RIMS2: variants seen among roughly 807,000 people sequenced by gnomAD.
The protein encoded by RIMS2 is regulating synaptic membrane exocytosis 2.
RIMS2 carries 59 observed loss-of-function variants against 174.4 expected under a neutral mutation model. That is an observed-to-expected ratio of 0.34 (90% CI 0.27 to 0.42). The LOEUF (loss-of-function observed/expected upper bound fraction) is 0.42. Among genes scored for constraint, RIMS2 ranks in the 10% least tolerant of loss-of-function variants. RIMS2 has a pLI of 1.00. For missense variants in RIMS2, 1,620 were observed against 1,666.3 expected, an observed-to-expected ratio of 0.97 and a Z score of 0.48; for synonymous variants, 606 against 572.5, an observed-to-expected ratio of 1.06 and a Z score of -0.84.
intron 1 of RIMS2, among the ~76,000 whole-genome samples, chr8:103,603,404 G>A (rs1204334008): frequency 1.3e-3 from 188 of 148,658 alleles, no homozygotes; most frequent in Non-Finnish European, 9.9e-4. Flanking sequence ...TCATTGTTGG[G>A]CATTTGGGTT....
At chr8:104,167,970 G>A (rs2135256776) in intron 19 of RIMS2, among the ~76,000 whole-genome samples, 1 of 152,106 alleles carries the variant, frequency 6.6e-6, no homozygotes, top group South Asian at 2.1e-4. Context: ...AAGATTAGTT[G>A]GCTATAAGTA....
At chr8:103,855,823 A>G (rs1397032976) in intron 3 of RIMS2, among the ~76,000 whole-genome samples, 1 of 152,092 alleles carries the variant, frequency 6.6e-6, no homozygotes. Flanking sequence ...GGAACAGCGT[A>G]TATTTTGTGG....
intron 19 of RIMS2, among the ~76,000 whole-genome samples, chr8:104,161,487 T>C (rs1464431461): frequency 3.3e-5 from 5 of 152,186 alleles, no homozygotes; most frequent in Admixed American, 2.0e-4. Context: ...AATAGGGATC[T>C]GTTGTAGAAT....
chr8:103,540,829 A>G (rs1842214674), intron 1 of RIMS2, among the ~76,000 whole-genome samples: 1 of 152,204 alleles, frequency 6.6e-6, no homozygotes, highest in Non-Finnish European at 1.5e-5. Context: ...CAAGCAAACA[A>G]ACAAAAAAGA....
At chr8:103,578,981 C>A (rs2093432039) in intron 1 of RIMS2, among the ~76,000 whole-genome samples, 1 of 97,568 alleles carries the variant, frequency 1.0e-5, no homozygotes, top group South Asian at 3.1e-4. Flanking sequence ...CAGAGCAAGA[C>A]TCTGTCTCAA....
At chr8:104,104,093 A>G (rs1357334360) in intron 19 of RIMS2, among the ~76,000 whole-genome samples, 1 of 152,242 alleles carries the variant, frequency 6.6e-6, no homozygotes, top group Non-Finnish European at 1.5e-5. Flanking sequence ...ATGAAAATAG[A>G]TAAGTTATTA....
chr8:104,106,548 C>A (rs2098070985), intron 19 of RIMS2, among the ~76,000 whole-genome samples: 1 of 152,068 alleles, frequency 6.6e-6, no homozygotes, highest in Non-Finnish European at 1.5e-5. Flanking sequence ...GGATAAAATG[C>A]ATTTCTATGC....
chr8:104,148,746 G>A, intron 19 of RIMS2: 1 of 1,598,330 alleles, frequency 6.3e-7, no homozygotes, highest in Non-Finnish European at 8.5e-7. Context: ...GGGCACCTTG[G>A]GCACCAGTGG....
At chr8:104,004,423 T>TA (rs574361536) in intron 17 of RIMS2, among the ~76,000 whole-genome samples, 4 of 152,154 alleles carry the variant, frequency 2.6e-5, no homozygotes, top group Admixed American at 2.6e-4. Flanking sequence ...AACATTACAG[T>TA]AAAAATAATG....
intron 14 of RIMS2, among the ~76,000 whole-genome samples, chr8:103,945,399 G>C (rs2083474332): frequency 6.6e-6 from 1 of 151,944 alleles, no homozygotes; most frequent in Non-Finnish European, 1.5e-5. Context: ...CAAATTCCTT[G>C]ATAAGAAAGA....
chr8:104,023,220 A>T (rs771537571), intron 19 of RIMS2, among the ~76,000 whole-genome samples: 1 of 152,086 alleles, frequency 6.6e-6, no homozygotes, highest in African/African-American at 2.4e-5. Flanking sequence ...GAACTTACAG[A>T]TCATATTTAG....
intron 2 of RIMS2, among the ~76,000 whole-genome samples, chr8:103,746,462 A>G (rs2097817188): frequency 6.6e-6 from 1 of 151,980 alleles, no homozygotes; most frequent in Non-Finnish European, 1.5e-5. Context: ...ATTTATTTTT[A>G]AGTTTTAGGT....
At chr8:103,837,944 T>C (rs1032017174) in intron 3 of RIMS2, among the ~76,000 whole-genome samples, 14 of 149,544 alleles carry the variant, frequency 9.4e-5, no homozygotes, top group African/African-American at 2.7e-4. Context: ...CTTTCTCTTT[T>C]TTTTTTTTTT....
chr8:103,911,291 C>T (rs1428231965), intron 5 of RIMS2, among the ~76,000 whole-genome samples: 2 of 152,016 alleles, frequency 1.3e-5, no homozygotes, highest in East Asian at 3.9e-4. Context: ...TTTACAGAGG[C>T]CTTGGTTCAG....
chr8:103,554,787 A>G (rs540725137), intron 1 of RIMS2, among the ~76,000 whole-genome samples: 1 of 152,194 alleles, frequency 6.6e-6, no homozygotes, highest in South Asian at 2.1e-4. Flanking sequence ...ATCAGTCCAG[A>G]TATCTATCAA....
chr8:103,921,243 T>A (rs2077596461), intron 9 of RIMS2, among the ~76,000 whole-genome samples: 1 of 152,210 alleles, frequency 6.6e-6, no homozygotes, highest in African/African-American at 2.4e-5. Context: ...GACATCGTTT[T>A]AAAAATTTAA....
chr8:104,202,872 A>T (rs2099061881), intron 19 of RIMS2, among the ~76,000 whole-genome samples: 1 of 152,182 alleles, frequency 6.6e-6, no homozygotes, highest in Non-Finnish European at 1.5e-5. Context: ...AATCACAATA[A>T]TTTTTCTCCA....
chr8:103,535,313 A>T (rs1839258632), intron 1 of RIMS2, among the ~76,000 whole-genome samples: 1 of 152,176 alleles, frequency 6.6e-6, no homozygotes, highest in Non-Finnish European at 1.5e-5. Flanking sequence ...AATTATTTCT[A>T]CATAGTTTGG....
chr8:103,690,127 AT>A (rs1278579404), intron 1 of RIMS2, among the ~76,000 whole-genome samples: 1 of 151,162 alleles, frequency 6.6e-6, no homozygotes, highest in South Asian at 2.1e-4. Context: ...TGCCCAGCTA[AT>A]TTTTTTTGTA....
Sources: allele counts gnomAD v4.1 joint callset (sites outside exome capture counted in the v4.1 genomes callset), GRCh38; gene constraint gnomAD v4.1.1; transcripts MANE v1.5; gene names NCBI Gene and HGNC (gene_info 2026-07-23, HGNC 2026-07-21).